Variants in ENDOD1 observed in about 807,000 individuals in gnomAD.
ENDOD1 encodes the protein endonuclease domain containing 1.
In ENDOD1, 9 loss-of-function variants were observed where a neutral mutation model predicts 6.5. The observed-to-expected ratio is 1.39, with a 90% CI of 0.84 to 2.43. ENDOD1 has a LOEUF of 2.43. Among genes scored for constraint, ENDOD1 ranks in the 30% most tolerant of loss-of-function variants. ENDOD1 has a pLI of 0.00. For missense variants in ENDOD1, 648 were observed against 635.5 expected (o/e 1.02, Z -0.21); for synonymous variants, 255 against 255.2 (o/e 1.00, Z 0.01).
In ENDOD1 at chr11:95,131,824, A is replaced by G. The variant is rs912957721; in HGVS notation, c.*2245A>G. On this transcript the variant is annotated 3_prime_UTR_variant, in exon 2 of 2. Coordinates refer to ENST00000278505, the MANE Select transcript of ENDOD1 (RefSeq NM_015036.3). Reference sequence around the variant, plus strand: ...GCATCCAAACGGCTTCTTGAGAACCATTGGGGAATGTCTTTCTTTTTCACA... The same window carrying G: ...GCATCCAAACGGCTTCTTGAGAACCGTTGGGGAATGTCTTTCTTTTTCACA... The G allele has an allele frequency of 6.6e-6, 1 of 152,244 alleles. No individual in the cohort carries two copies. Among genetic ancestry groups the G allele is most frequent in the Non-Finnish European group, 1.5e-5 (1 of 68,054 alleles). The allele number at this position is 152,244 out of a possible 1,614,324, so 9.4% of individuals were successfully genotyped here.
At chr11:95,096,087 C>G (rs1346463871) in intron 1 of ENDOD1, among the ~76,000 whole-genome samples, 1 of 152,078 alleles carries the variant, frequency 6.6e-6, no homozygotes, top group African/African-American at 2.4e-5. Context: ...AGATTTTATT[C>G]TTTGGGCATA....
intron 1 of ENDOD1, among the ~76,000 whole-genome samples, chr11:95,120,801 TTTA>T (rs1859255871): frequency 6.6e-6 from 1 of 152,176 alleles, no homozygotes. Context: ...TCCATAGCAC[TTTA>T]GCCTACAGTG....
At chr11:95,102,679 A>AAAACAAAC (rs35238416) in intron 1 of ENDOD1, among the ~76,000 whole-genome samples, 1 of 151,646 alleles carries the variant, frequency 6.6e-6, no homozygotes, top group African/African-American at 2.4e-5. Flanking sequence ...CTCAAAAACA[A>AAAACAAAC]AAACAAACAA....
intron 1 of ENDOD1, among the ~76,000 whole-genome samples, chr11:95,115,107 C>T (rs1396473912): frequency 2.0e-5 from 3 of 152,034 alleles, no homozygotes; most frequent in Non-Finnish European, 4.4e-5. Context: ...TGAACAATAT[C>T]GATTCTTCTA....
At chr11:95,125,578 T>C (rs777081575) in intron 1 of ENDOD1, among the ~76,000 whole-genome samples, 8 of 151,844 alleles carry the variant, frequency 5.3e-5, no homozygotes, top group Admixed American at 1.3e-4. Context: ...TATCTCCTAA[T>C]GCTATCCCTC....
Position 95,110,957 on chromosome 11 carries a change from C to T in ENDOD1, c.301-17420C>T, listed in dbSNP as rs147965915. ...TCTCTGAGCTATTTCAGAGAAACGGCTTGTGAAGATGACATGATTCTAGCT... is the reference window on the plus strand; with the variant it reads ...TCTCTGAGCTATTTCAGAGAAACGGTTTGTGAAGATGACATGATTCTAGCT... On this transcript the variant is annotated intron_variant, in intron 1 of 1. Transcript: ENST00000278505. 7.1e-4 allele frequency among the ~76,000 whole-genome samples: 108 copies of T among 152,244 alleles called. 1 individual carries two copies. The highest frequency in any genetic ancestry group is 2.4e-3 in the African/African-American group (100 of 41,528).
intron 1 of ENDOD1, among the ~76,000 whole-genome samples, chr11:95,121,233 TA>T (rs1246642799): frequency 6.6e-6 from 1 of 152,234 alleles, no homozygotes; most frequent in African/African-American, 2.4e-5. Flanking sequence ...TGGAGCCTTC[TA>T]TTCTGCCATC....
In ENDOD1 at chr11:95,130,833, C is replaced by G. The variant is rs1859363877; in HGVS notation, c.*1254C>G. On this transcript the variant is annotated 3_prime_UTR_variant, in exon 2 of 2. Coordinates refer to ENST00000278505, the MANE Select transcript of ENDOD1 (RefSeq NM_015036.3). ...CAAGCACTTGTCATTTTAAATCTTG[C>G]ACTAAAAAATGGTAACAAGAGGGAC... The G allele has an allele frequency of 6.6e-6, 1 of 152,172 alleles. No individual in the cohort carries two copies. Among genetic ancestry groups the G allele is most frequent in the Admixed American group, 6.5e-5 (1 of 15,282 alleles). The allele number at this position is 152,172 out of a possible 1,614,324, so 9.4% of individuals were successfully genotyped here. A position where few individuals can be genotyped will look rare whatever the true frequency, so the allele number is the denominator to read the frequency against.
chr11:95,100,022 C>G (rs1377041034), intron 1 of ENDOD1, among the ~76,000 whole-genome samples: 1 of 152,148 alleles, frequency 6.6e-6, no homozygotes, highest in Admixed American at 6.5e-5. Flanking sequence ...GTTTGTGAAC[C>G]ATAAAAAACT....
At chr11:95,103,845 G>C (rs576548027) in intron 1 of ENDOD1, among the ~76,000 whole-genome samples, 1 of 152,190 alleles carries the variant, frequency 6.6e-6, no homozygotes, top group Non-Finnish European at 1.5e-5. Flanking sequence ...AACACTCGGC[G>C]CATATATGTT....
At chr11:95,102,498 C>G (rs900312213) in intron 1 of ENDOD1, among the ~76,000 whole-genome samples, 1 of 151,638 alleles carries the variant, frequency 6.6e-6, no homozygotes, top group Non-Finnish European at 1.5e-5. Flanking sequence ...ATGGTGAAAC[C>G]CTGTCTCTAC....
In ENDOD1 at chr11:95,106,045, C is replaced by G. The variant is rs140049673; in HGVS notation, c.300+15818C>G. On this transcript the variant is annotated intron_variant, in intron 1 of 1. Coordinates refer to ENST00000278505, the MANE Select transcript of ENDOD1 (RefSeq NM_015036.3). ...GGAATGAATGTATGATCTGGTCCCT[C>G]TCTCTTCCCGCCTTCCCATTGATGG... Among the ~76,000 whole-genome samples, 411 of 152,336 alleles carry G rather than the reference C, an allele frequency of 2.7e-3. 2 individuals are homozygous for G. Among genetic ancestry groups the G allele is most frequent in the African/African-American group, 8.5e-3 (354 of 41,574 alleles).
At position 95,130,728 on chromosome 11, in the gene ENDOD1, C is replaced by T. The variant is rs1379162009; in HGVS notation, c.*1149C>T. On this transcript the variant is annotated 3_prime_UTR_variant, in exon 2 of 2. Coordinates refer to ENST00000278505, the MANE Select transcript of ENDOD1 (RefSeq NM_015036.3). ...ATTATATCTTAGGAAATTATTTTTA[C>T]AGTGTGTTTGAGGCTACAAACATAA... The T allele has an allele frequency of 2.0e-5, 3 of 152,056 alleles. No homozygotes were observed. Among genetic ancestry groups the T allele is most frequent in the African/African-American group, 4.8e-5 (2 of 41,390 alleles). 9.4% of individuals were successfully genotyped at this position (152,056 alleles called of 1,614,324 possible). A position where few individuals can be genotyped will look rare whatever the true frequency, so the allele number is the denominator to read the frequency against.
chr11:95,132,174 G>GCT lies in ENDOD1; in HGVS notation c.*2596_*2597dup, dbSNP rs1859377397. 1 of 152,644 alleles carries GCT rather than the reference G, an allele frequency of 6.6e-6. No homozygotes were observed. Among genetic ancestry groups the GCT allele is most frequent in the South Asian group, 2.1e-4 (1 of 4,832 alleles). The allele number at this position is 152,644 out of a possible 1,614,324, so 9.5% of individuals were successfully genotyped here. On this transcript the variant is annotated 3_prime_UTR_variant, in exon 2 of 2. Transcript: ENST00000278505. ...GGATTAGCCTCTTCCTCATTATGGA[G>GCT]CTGATTTTCTAGTCTGTGGATCAGC...
At chr11:95,098,488 A>G (rs1859007718) in intron 1 of ENDOD1, among the ~76,000 whole-genome samples, 1 of 152,198 alleles carries the variant, frequency 6.6e-6, no homozygotes, top group Admixed American at 6.5e-5. Context: ...ATGGGTTATT[A>G]CATATTTATT....
At chr11:95,095,361 T>C (rs1243653187) in intron 1 of ENDOD1, among the ~76,000 whole-genome samples, 3 of 5,304 alleles carry the variant, frequency 5.7e-4, no homozygotes, top group African/African-American at 1.8e-3. Context: ...CAGTGAGCAA[T>C]GGCATTCCAG....
intron 1 of ENDOD1, among the ~76,000 whole-genome samples, chr11:95,124,718 T>C (rs1456506187): frequency 6.6e-6 from 1 of 152,150 alleles, no homozygotes; most frequent in Non-Finnish European, 1.5e-5. Context: ...CCTGTGGAGT[T>C]GGGCAGAAAA....
intron 1 of ENDOD1, among the ~76,000 whole-genome samples, chr11:95,110,579 A>ATGTGTGGTGTGTGTGTGTGTGTG (rs1555111812): frequency 2.2e-5 from 3 of 135,148 alleles, no homozygotes; most frequent in Admixed American, 7.4e-5. Context: ...AAGTCCGTGT[A>ATGTGTGGTGTGTGTGTGTGTGTG]TGTATGTGTG....
chr11:95,094,459 G>A (rs997625523), intron 1 of ENDOD1, among the ~76,000 whole-genome samples: 4 of 152,248 alleles, frequency 2.6e-5, no homozygotes, highest in South Asian at 2.1e-4. Flanking sequence ...ACAGTCATAG[G>A]ACAAGTGGGA....
Sources: gnomAD v4.1 joint callset for allele counts (sites outside exome capture counted in the v4.1 genomes callset) on GRCh38, gnomAD v4.1.1 for gene constraint, MANE v1.5 for transcripts, NCBI Gene and HGNC (gene_info 2026-07-23, HGNC 2026-07-21) for gene names.